The following MLIP variants were observed in gnomAD, a reference collection of about 807,000 sequenced individuals.
The protein encoded by MLIP is muscular LMNA interacting protein.
MLIP carries 79 observed loss-of-function variants against 84.8 expected under a neutral mutation model. The ratio of observed to expected loss-of-function variants is 0.93; its 90% CI spans 0.78 to 1.12. MLIP has a LOEUF of 1.12. Ranked by LOEUF, MLIP falls within the 50% of genes most tolerant of loss-of-function variation. MLIP has a pLI of 0.00. For synonymous variants in MLIP, 504 were observed against 463.0 expected, an observed-to-expected ratio of 1.09 and a Z score of -1.14; for missense variants, 1,257 against 1,160.6, an observed-to-expected ratio of 1.08 and a Z score of -1.21.
chr6:54,181,178 T>C (rs929010984), intron 9 of MLIP, among the ~76,000 whole-genome samples: 1 of 152,122 alleles, frequency 6.6e-6, no homozygotes, highest in East Asian at 1.9e-4. Flanking sequence ...GAAATTTAAC[T>C]GATGTTCTAT....
intron 1 of MLIP, among the ~76,000 whole-genome samples, chr6:54,019,399 T>A (rs1763374622): frequency 6.6e-6 from 1 of 152,216 alleles, no homozygotes; most frequent in South Asian, 2.1e-4. Context: ...GAAGATTGTT[T>A]TATTTACGTA....
chr6:54,060,791 C>T (rs1417980342), intron 1 of MLIP, among the ~76,000 whole-genome samples: 1 of 152,034 alleles, frequency 6.6e-6, no homozygotes, highest in Non-Finnish European at 1.5e-5. Context: ...GAGGATTCAT[C>T]ACAGTATGAA....
intron 2 of MLIP, among the ~76,000 whole-genome samples, chr6:54,122,474 A>G (rs557224): frequency 0.38 from 58,318 of 151,696 alleles, 11,412 homozygotes; most frequent in Admixed American, 0.47. Flanking sequence ...AATGTGTTTT[A>G]ACATTGCTTA....
At chr6:54,244,455 T>C (rs949139099) in intron 12 of MLIP, among the ~76,000 whole-genome samples, 1 of 152,222 alleles carries the variant, frequency 6.6e-6, no homozygotes, top group Non-Finnish European at 1.5e-5. Context: ...ATGTGTTTAA[T>C]TCATTCACAA....
At chr6:54,081,553 C>G (rs1767152044) in intron 1 of MLIP, among the ~76,000 whole-genome samples, 1 of 152,078 alleles carries the variant, frequency 6.6e-6, no homozygotes, top group Non-Finnish European at 1.5e-5. Flanking sequence ...GGATTACAGG[C>G]GCCCGCCACC....
At chr6:54,149,919 A>G (rs1773260788) in intron 5 of MLIP, among the ~76,000 whole-genome samples, 1 of 152,174 alleles carries the variant, frequency 6.6e-6, no homozygotes, top group South Asian at 2.1e-4. Context: ...TACCAAGTCT[A>G]TGAAATTATT....
At chr6:54,263,304 G>A (rs1030256934) in intron 13 of MLIP, among the ~76,000 whole-genome samples, 1 of 151,994 alleles carries the variant, frequency 6.6e-6, no homozygotes, top group Non-Finnish European at 1.5e-5. Context: ...CTATGAGGCT[G>A]CCTTTATAGG....
chr6:54,049,423 T>C (rs1401795856), intron 1 of MLIP, among the ~76,000 whole-genome samples: 1 of 152,222 alleles, frequency 6.6e-6, no homozygotes, highest in Non-Finnish European at 1.5e-5. Flanking sequence ...GTGTCACTTA[T>C]TGCTGGTTCG....
Position 54,202,173 on chromosome 6 carries a change from C to G in MLIP, c.2658C>G (p.Val886=). 6.2e-7 allele frequency: 1 copy of G among 1,601,420 alleles called. No individual in the cohort carries two copies. Among genetic ancestry groups the G allele is most frequent in the Non-Finnish European group, 8.5e-7 (1 of 1,172,914 alleles). ...TATTACTGAAAAAAGAGGAGGAAGT[C>G]TATGAACCCAACCCTTTCAGTAAAT... ...SRILLKKEEE[V]YEPNPFSKYL... The change falls in exon 11 of 14, where the codon GTC becomes GTG. Residue 886 remains valine, a synonymous_variant. Transcript: ENST00000502396.
chr6:54,211,457 A>G (rs919274102), intron 11 of MLIP, among the ~76,000 whole-genome samples: 12 of 152,218 alleles, frequency 7.9e-5, no homozygotes, highest in Admixed American at 7.2e-4. Flanking sequence ...GTCAAAAACT[A>G]CATTTAGGCA....
intron 9 of MLIP, among the ~76,000 whole-genome samples, chr6:54,185,525 T>C (rs1150875): frequency 0.82 from 124,306 of 152,120 alleles, 52,779 homozygotes; most frequent in Non-Finnish European, 0.94. Context: ...ATTTAATTAA[T>C]ATGTTTGAGC....
intron 12 of MLIP, among the ~76,000 whole-genome samples, chr6:54,233,411 G>A (rs1781145460): frequency 6.7e-6 from 1 of 149,480 alleles, no homozygotes; most frequent in Non-Finnish European, 1.5e-5. Flanking sequence ...TCCCACTTAT[G>A]AGTGAGAACA....
At chr6:54,236,338 C>A (rs1264044303) in intron 12 of MLIP, among the ~76,000 whole-genome samples, 1 of 152,324 alleles carries the variant, frequency 6.6e-6, no homozygotes, top group African/African-American at 2.4e-5. Flanking sequence ...CGGTGGCTCA[C>A]GCCTGTAATC....
chr6:54,128,425 T>C (rs1771106725), intron 3 of MLIP, among the ~76,000 whole-genome samples: 1 of 152,058 alleles, frequency 6.6e-6, no homozygotes, highest in African/African-American at 2.4e-5. Context: ...GAAACCTAGG[T>C]GTCTTTTTCT....
chr6:54,171,108 T>C (rs1453499508), intron 9 of MLIP, among the ~76,000 whole-genome samples: 1 of 151,540 alleles, frequency 6.6e-6, no homozygotes, highest in East Asian at 1.9e-4. Flanking sequence ...CATTCCTCTC[T>C]GGGAGGGGTT....
At position 54,226,024 on chromosome 6, in the gene MLIP, C is replaced by T. The variant is rs1032560829; in HGVS notation, c.2719-4690C>T. On this transcript the variant is annotated intron_variant, in intron 11 of 13. Coordinates refer to ENST00000502396, the MANE Select transcript of MLIP (RefSeq NM_001281747.2). ...CAGGGAGAAAGCCAAGTACTGATTC[C>T]ATTTCTATGTTAGAGTTCTCAGAAG... 3.9e-5 allele frequency among the ~76,000 whole-genome samples: 6 copies of T among 152,258 alleles called. No individual in the cohort carries two copies. The East Asian group carries it at 1.2e-3, about 29-fold the overall frequency.
intron 9 of MLIP, among the ~76,000 whole-genome samples, chr6:54,180,741 C>T (rs1776769198): frequency 6.6e-6 from 1 of 152,158 alleles, no homozygotes; most frequent in Non-Finnish European, 1.5e-5. Context: ...TAAATTCCTT[C>T]TCTGTGTTAT....
At chr6:54,227,990 T>C (rs1046330607) in intron 11 of MLIP, among the ~76,000 whole-genome samples, 2 of 152,074 alleles carry the variant, frequency 1.3e-5, no homozygotes, top group Admixed American at 1.3e-4. Context: ...GAGATCATTC[T>C]GGCTAACACG....
chr6:54,027,586 A>G (rs914723714), intron 1 of MLIP, among the ~76,000 whole-genome samples: 2 of 152,136 alleles, frequency 1.3e-5, no homozygotes, highest in Non-Finnish European at 2.9e-5. Context: ...GTTGAGGAAA[A>G]AGTGGACGCA....
Sources: gnomAD v4.1 joint callset for allele counts (sites outside exome capture counted in the v4.1 genomes callset) on GRCh38, gnomAD v4.1.1 for gene constraint, MANE v1.5 for transcripts, NCBI Gene and HGNC (gene_info 2026-07-23, HGNC 2026-07-21) for gene names.